PPA1: variants seen among roughly 807,000 people sequenced by gnomAD.
PPA1 encodes inorganic pyrophosphatase 1, also known as inorganic pyrophosphatase.
In PPA1, 23 loss-of-function variants were observed where a neutral mutation model predicts 41.8. That is an observed-to-expected ratio of 0.55 (90% CI 0.40 to 0.78). PPA1 has a LOEUF of 0.78. PPA1 is among the 30% of genes least tolerant of loss of function. The pLI is 0.00. For missense variants in PPA1, 320 were observed against 361.6 expected, an observed-to-expected ratio of 0.89 and a Z score of 0.93; for synonymous variants, 101 against 116.8, an observed-to-expected ratio of 0.86 and a Z score of 0.87.
intron 2 of PPA1, among the ~76,000 whole-genome samples, chr10:70,219,233 G>A (rs1564583560): frequency 6.6e-6 from 1 of 151,928 alleles, no homozygotes; most frequent in Non-Finnish European, 1.5e-5. Flanking sequence ...TAACTTTTCT[G>A]TATGCTTTAA....
chr10:70,206,264 A>G lies in PPA1; in HGVS notation c.795T>C (p.Ala265=), dbSNP rs776122212. The G allele has an allele frequency of 2.5e-6, 4 of 1,610,212 alleles. No individual in the cohort carries two copies. The African/African-American group carries it at 4.0e-5, about 16-fold the overall frequency. ...TTTTTTTAAGGAAACTTTTACATAC[A>G]GCATCCACAATGGCTCTGGCAGCAT... ...DPDAARAIVD[A]LPPPCESACT... is the part of the protein sequence containing the mutation. Residue 265 remains alanine, a splice_region_variant and synonymous_variant, in exon 9 of 11, where the codon GCT becomes GCC. Transcript: ENST00000373232.
In PPA1 at chr10:70,218,829, A is replaced by G; in HGVS notation, c.124-12T>C. The G allele has an allele frequency of 6.2e-7, 1 of 1,608,804 alleles. No individual in the cohort carries two copies. Among genetic ancestry groups the G allele is most frequent in the Non-Finnish European group, 8.5e-7 (1 of 1,175,810 alleles). On this transcript the variant is annotated splice_polypyrimidine_tract_variant and intron_variant, in intron 2 of 10. Transcript: ENST00000373232. ...ATGTGAAACACATCCTGAAAAAACA[A>G]AGAGAAAGTGAGATGGTCACAGGAG...
intron 2 of PPA1, among the ~76,000 whole-genome samples, chr10:70,225,213 CTTATTTAT>C (rs138658555): frequency 6.6e-6 from 1 of 151,562 alleles, no homozygotes; most frequent in African/African-American, 2.4e-5. Context: ...TCCCACCACT[CTTATTTAT>C]TTATTTATTT....
intron 2 of PPA1, among the ~76,000 whole-genome samples, chr10:70,229,910 C>G (rs544032466): frequency 6.6e-6 from 1 of 151,872 alleles, no homozygotes; most frequent in East Asian, 1.9e-4. Flanking sequence ...CTTATTTAGT[C>G]AATGGACCTT....
chr10:70,230,431 T>C (rs1277509405), intron 1 of PPA1, 32 bp from the exon 2 acceptor site: 4 of 1,565,902 alleles, frequency 2.6e-6, no homozygotes, highest in Non-Finnish European at 3.5e-6. Flanking sequence ...GTTATTACTA[T>C]AATTAATTGT....
At position 70,233,287 on chromosome 10, in the gene PPA1, G is replaced by C. The variant is rs1260289246; in HGVS notation, c.41C>G (p.Ser14Cys). The change falls in exon 1 of 11, where the codon TCC (serine) becomes TGC (cysteine). Residue 14 changes from serine (S) to cysteine (C), a missense_variant. Ser to Cys is a moderately radical substitution (Grantham distance 112, BLOSUM62 -1). Transcript: ENST00000373232. Reference protein sequence around the residue: ...FSTEERAAPFSLEYRVFLKNE... With the variant: ...FSTEERAAPFCLEYRVFLKNE... The stretch of plus-strand genomic sequence containing the variant: ...ACTGAGGAAGACTCGGTACTCCAGG[G>C]AGAAGGGCGCGGCGCGCTCCTCGGT... 5 of 1,543,318 alleles carry C rather than the reference G, an allele frequency of 3.2e-6. No homozygotes were observed. The highest frequency in any genetic ancestry group is 4.4e-6 in the Non-Finnish European group (5 of 1,144,664).
At chr10:70,208,706 A>T (rs1434976116) in intron 8 of PPA1, among the ~76,000 whole-genome samples, 5 of 151,928 alleles carry the variant, frequency 3.3e-5, no homozygotes, top group African/African-American at 1.2e-4. Context: ...TTGGAAGGAC[A>T]ATGTTTTCAT....
At chr10:70,214,376 C>T in intron 5 of PPA1, 124 bp downstream of exon 5, 1 of 767,306 alleles carries the variant, frequency 1.3e-6, no homozygotes, top group Non-Finnish European at 2.1e-6. Context: ...GCCTTTAATA[C>T]CAAAGAGACA....
At chr10:70,227,194 C>T (rs1015351385) in intron 2 of PPA1, among the ~76,000 whole-genome samples, 6 of 152,246 alleles carry the variant, frequency 3.9e-5, no homozygotes, top group African/African-American at 1.4e-4. Context: ...GAGCAAAGGA[C>T]ATCCCTACAA....
chr10:70,220,253 CT>C (rs33951004), intron 2 of PPA1, among the ~76,000 whole-genome samples: 34,886 of 119,728 alleles, frequency 0.29, 5,044 homozygotes, highest in Middle Eastern at 0.38. Context: ...ATAAAAAGTA[CT>C]TTTTTTTTTT....
At chr10:70,232,604 A>G (rs1253766980) in intron 1 of PPA1, among the ~76,000 whole-genome samples, 2 of 152,106 alleles carry the variant, frequency 1.3e-5, no homozygotes, top group Middle Eastern at 3.2e-3. Context: ...GACTGACGTC[A>G]TCTGTTTGAT....
intron 2 of PPA1, among the ~76,000 whole-genome samples, chr10:70,221,073 TA>T (rs1840159753): frequency 1.2e-4 from 2 of 17,166 alleles, no homozygotes; most frequent in South Asian, 3.5e-3. Context: ...TATATATATA[TA>T]TATTTTTTTT....
intron 1 of PPA1, 79 bp from the exon 2 acceptor site, chr10:70,230,478 GA>G (rs1452301156): frequency 1.2e-5 from 16 of 1,368,700 alleles, no homozygotes; most frequent in Non-Finnish European, 1.6e-5. Context: ...TTTTTTTTCT[GA>G]GATAAGGTCC....
intron 3 of PPA1, 44 bp from the exon 4 acceptor site, chr10:70,217,975 A>C (rs763003901): frequency 4.4e-5 from 64 of 1,461,220 alleles, no homozygotes; most frequent in Middle Eastern, 1.8e-4. Context: ...TGGATGTGAA[A>C]TACTATTCAA....
At chr10:70,208,766 T>A (rs1278550449) in intron 8 of PPA1, among the ~76,000 whole-genome samples, 1 of 151,282 alleles carries the variant, frequency 6.6e-6, no homozygotes, top group African/African-American at 2.4e-5. Flanking sequence ...GGGAGAATTA[T>A]TTTTGTACAT....
intron 2 of PPA1, among the ~76,000 whole-genome samples, chr10:70,219,429 C>G (rs1174396899): frequency 6.6e-6 from 1 of 152,154 alleles, no homozygotes; most frequent in East Asian, 1.9e-4. Flanking sequence ...ATTTCAGAGA[C>G]AGTTTATAAG....
Position 70,217,708 on chromosome 10 carries a change from T to C in PPA1, c.297+104A>G, listed in dbSNP as rs370829205. The C allele has an allele frequency of 1.6e-4, 166 of 1,022,252 alleles. No individual in the cohort carries two copies. The African/African-American group carries it at 2.0e-3, about 12-fold the overall frequency. 63.3% of individuals were successfully genotyped at this position (1,022,252 alleles called of 1,614,324 possible). ...CTTCTTATGTTTTCAAAATCTACCA[T>C]AGAAAAAACTCTCCACAGGTATTCA... On this transcript the variant is annotated intron_variant, in intron 4 of 10. Coordinates refer to ENST00000373232, the MANE Select transcript of PPA1 (RefSeq NM_021129.4).
chr10:70,233,356 C>T lies in PPA1; in HGVS notation c.-29G>A. ...GCCGGAGTCCTGCCGCCGCCGCTGC[C>T]ACAGAGCCACCAGCCCGCACGCGGC... On this transcript the variant is annotated 5_prime_UTR_variant, in exon 1 of 11. Transcript: ENST00000373232. 1 of 1,531,714 alleles carries T rather than the reference C, an allele frequency of 6.5e-7. No individual in the cohort carries two copies. Among genetic ancestry groups the T allele is most frequent in the Non-Finnish European group, 8.8e-7 (1 of 1,141,728 alleles). The allele number at this position is 1,531,714 out of a possible 1,614,324, so 94.9% of individuals were successfully genotyped here. A position where few individuals can be genotyped will look rare whatever the true frequency, so the allele number is the denominator to read the frequency against.
chr10:70,221,428 A>G (rs1840167837), intron 2 of PPA1, among the ~76,000 whole-genome samples: 1 of 152,054 alleles, frequency 6.6e-6, no homozygotes, highest in Non-Finnish European at 1.5e-5. Flanking sequence ...AATACAACAT[A>G]AAAACCAAAA....
Sources: gnomAD v4.1 joint callset for allele counts (sites outside exome capture counted in the v4.1 genomes callset) on GRCh38, gnomAD v4.1.1 for gene constraint, MANE v1.5 for transcripts, NCBI Gene and HGNC (gene_info 2026-07-23, HGNC 2026-07-21) for gene names.